The following GPC5 variants were observed in gnomAD, a reference collection of about 807,000 sequenced individuals.
GPC5 encodes glypican 5, also known as glypican-5.
In GPC5, 47 loss-of-function variants were observed where a neutral mutation model predicts 53.9. The observed-to-expected ratio is 0.87, with a 90% CI of 0.69 to 1.11. The LOEUF is 1.11. GPC5 is among the 50% of genes most tolerant of loss of function. The pLI is 0.00. For synonymous variants in GPC5, 286 were observed against 263.3 expected (o/e 1.09, Z -0.84); for missense variants, 748 against 713.1 (o/e 1.05, Z -0.56).
chr13:92,841,239 T>C (rs951962100), intron 7 of GPC5, among the ~76,000 whole-genome samples: 5 of 152,146 alleles, frequency 3.3e-5, no homozygotes, highest in African/African-American at 1.2e-4. Flanking sequence ...TAACAGTCAG[T>C]CTTATTAAAC....
intron 6 of GPC5, among the ~76,000 whole-genome samples, chr13:92,093,724 T>C (rs2138900305): frequency 6.6e-6 from 1 of 152,332 alleles, no homozygotes; most frequent in South Asian, 2.1e-4. Context: ...AGACCCAGTG[T>C]ATGCCAACAA....
chr13:92,816,043 C>A (rs1325021248), intron 7 of GPC5, among the ~76,000 whole-genome samples: 1 of 151,766 alleles, frequency 6.6e-6, no homozygotes, highest in Non-Finnish European at 1.5e-5. Context: ...GAGTCATTTG[C>A]CCATGAAGGG....
At chr13:92,397,696 A>AT (rs960313536) in intron 7 of GPC5, among the ~76,000 whole-genome samples, 10 of 150,326 alleles carry the variant, frequency 6.7e-5, no homozygotes, top group African/African-American at 7.3e-5. Context: ...CTGCTTGTTC[A>AT]TTTTTTTTTC....
intron 7 of GPC5, among the ~76,000 whole-genome samples, chr13:92,399,150 C>G (rs1875438483): frequency 1.3e-5 from 2 of 152,314 alleles, no homozygotes; most frequent in African/African-American, 2.4e-5. Flanking sequence ...ACTTGTTTCA[C>G]AAACTTTTAT....
intron 6 of GPC5, among the ~76,000 whole-genome samples, chr13:91,997,866 A>G (rs912695373): frequency 3.9e-5 from 6 of 152,144 alleles, no homozygotes; most frequent in Admixed American, 2.0e-4. Context: ...GAATTTGCTC[A>G]AATGTAGTTA....
At chr13:91,608,974 C>A (rs908833264) in intron 2 of GPC5, among the ~76,000 whole-genome samples, 2 of 121,370 alleles carry the variant, frequency 1.6e-5, no homozygotes, top group Non-Finnish European at 1.8e-5. Context: ...AATAAAAAGT[C>A]AAATTCAGTG....
chr13:91,804,883 A>G (rs2038195637), intron 5 of GPC5, among the ~76,000 whole-genome samples: 2 of 152,220 alleles, frequency 1.3e-5, no homozygotes, highest in African/African-American at 2.4e-5. Context: ...TGAAATCTCA[A>G]TACCAGACCT....
At chr13:91,630,376 C>T (rs117689321) in intron 2 of GPC5, among the ~76,000 whole-genome samples, 3,332 of 152,148 alleles carry the variant, frequency 0.022, 47 homozygotes, top group Middle Eastern at 0.044. Context: ...CAGGGCTCGA[C>T]GGGCTCAATA....
chr13:92,707,363 C>T (rs767726428), intron 7 of GPC5, among the ~76,000 whole-genome samples: 2 of 152,028 alleles, frequency 1.3e-5, no homozygotes, highest in Admixed American at 6.6e-5. Flanking sequence ...CCTGACTGTC[C>T]ACCTGTGCCT....
At chr13:92,619,860 T>C (rs1884815107) in intron 7 of GPC5, among the ~76,000 whole-genome samples, 1 of 152,018 alleles carries the variant, frequency 6.6e-6, no homozygotes, top group African/African-American at 2.4e-5. Flanking sequence ...AAACAAACAA[T>C]ATTTGCTAGT....
At chr13:91,790,623 C>A (rs1349064971) in intron 5 of GPC5, among the ~76,000 whole-genome samples, 1 of 152,112 alleles carries the variant, frequency 6.6e-6, no homozygotes, top group Non-Finnish European at 1.5e-5. Flanking sequence ...ATGATATGTT[C>A]AGAACATTTA....
chr13:92,356,948 A>T (rs573225822), intron 7 of GPC5, among the ~76,000 whole-genome samples: 1 of 152,344 alleles, frequency 6.6e-6, no homozygotes, highest in African/African-American at 2.4e-5. Context: ...GTGACAGTTT[A>T]CAAGTGAGAA....
At chr13:92,203,765 A>AC (rs1294053293) in intron 7 of GPC5, among the ~76,000 whole-genome samples, 1 of 151,152 alleles carries the variant, frequency 6.6e-6, no homozygotes, top group Non-Finnish European at 1.5e-5. Context: ...GAAAAAAAAA[A>AC]AATCAGCAAC....
chr13:91,551,580 A>C (rs556917385), intron 2 of GPC5, among the ~76,000 whole-genome samples: 1 of 152,242 alleles, frequency 6.6e-6, no homozygotes, highest in South Asian at 2.1e-4. Flanking sequence ...AATTTTGGGA[A>C]TAGAGATTAA....
At chr13:91,436,396 T>C (rs942594983) in intron 1 of GPC5, among the ~76,000 whole-genome samples, 5 of 152,216 alleles carry the variant, frequency 3.3e-5, no homozygotes, top group Middle Eastern at 3.4e-3. Flanking sequence ...GTCTTTGTTC[T>C]CGTTGGTTTC....
intron 7 of GPC5, among the ~76,000 whole-genome samples, chr13:92,735,509 A>G (rs1340160749): frequency 2.0e-5 from 3 of 151,946 alleles, no homozygotes; most frequent in Admixed American, 6.6e-5. Flanking sequence ...TCCTCTTTAA[A>G]ATTGAAGATC....
At chr13:91,400,583 G>C (rs1042800304) in intron 1 of GPC5, among the ~76,000 whole-genome samples, 4 of 152,162 alleles carry the variant, frequency 2.6e-5, no homozygotes, top group Admixed American at 6.5e-5. Flanking sequence ...TAAAACTAAA[G>C]TGAGTTTGTG....
At chr13:91,425,367 C>T (rs1878965694) in intron 1 of GPC5, among the ~76,000 whole-genome samples, 1 of 152,142 alleles carries the variant, frequency 6.6e-6, no homozygotes, top group African/African-American at 2.4e-5. Context: ...GTGCCCCTAC[C>T]CAAATCTCAT....
intron 3 of GPC5, among the ~76,000 whole-genome samples, chr13:91,718,449 T>C (rs1251888714): frequency 1.3e-5 from 2 of 152,052 alleles, no homozygotes; most frequent in Non-Finnish European, 2.9e-5. Flanking sequence ...AGTGGCTTTT[T>C]TTTCCCTTCT....
Sources: gnomAD v4.1 joint callset for allele counts (sites outside exome capture counted in the v4.1 genomes callset) on GRCh38, gnomAD v4.1.1 for gene constraint, MANE v1.5 for transcripts, NCBI Gene and HGNC (gene_info 2026-07-23, HGNC 2026-07-21) for gene names.